PREX1: variants seen among roughly 807,000 people sequenced by gnomAD.
PREX1 encodes the protein phosphatidylinositol 3,4,5-trisphosphate-dependent Rac exchanger 1 protein.
Under a neutral mutation model 198.3 loss-of-function variants are expected in PREX1, and 41 were observed. The observed-to-expected ratio is 0.21, with a 90% CI of 0.16 to 0.27. The LOEUF (loss-of-function observed/expected upper bound fraction) is 0.27. PREX1 is among the 10% of genes least tolerant of loss of function. The probability of loss-of-function intolerance (pLI) is 1.00; values close to 1 mark genes in which losing one functional copy is unlikely to be tolerated. For synonymous variants in PREX1, 843 were observed against 887.2 expected (o/e 0.95, Z 0.89); for missense variants, 1,620 against 2,200.7 (o/e 0.74, Z 5.28).
rs373223442 is a variant in PREX1, at chr20:48,811,628, CCA to C, written c.219+16012_219+16013del. Among the ~76,000 whole-genome samples, 840 of 127,838 alleles carry C rather than the reference CCA, an allele frequency of 6.6e-3. 12 individuals are homozygous for C. Among genetic ancestry groups the C allele is most frequent in the African/African-American group, 0.024 (735 of 30,402 alleles). The allele number at this position is 127,838 out of a possible 152,430, so 83.9% of individuals were successfully genotyped here. On this transcript the variant is annotated intron_variant, in intron 1 of 39. Coordinates refer to ENST00000371941, the MANE Select transcript of PREX1 (RefSeq NM_020820.4). ...TGACAAGACCTGGATACACACCCCCCCACACACACACACACGTACGTGTGCAT... is the reference window on the plus strand; with the variant it reads ...TGACAAGACCTGGATACACACCCCCCCACACACACACACGTACGTGTGCAT...
At chr20:48,808,710 C>A (rs2090422515) in intron 1 of PREX1, among the ~76,000 whole-genome samples, 1 of 152,228 alleles carries the variant, frequency 6.6e-6, no homozygotes. Flanking sequence ...CCTGTGCAAT[C>A]TGCCCACCAG....
chr20:48,681,138 A>C, intron 11 of PREX1, 97 bp downstream of exon 11: 1 of 1,069,232 alleles, frequency 9.4e-7, no homozygotes, highest in Non-Finnish European at 1.4e-6. Context: ...CGGCTGCACG[A>C]AAGGATAGGA....
chr20:48,752,713 G>A (rs1474983156), intron 1 of PREX1, among the ~76,000 whole-genome samples: 2 of 152,094 alleles, frequency 1.3e-5, no homozygotes, highest in Non-Finnish European at 2.9e-5. Flanking sequence ...TCTCCTCCCT[G>A]CCTCACTCCC....
chr20:48,644,446 A>G lies in PREX1; in HGVS notation c.3564T>C (p.Ser1188=), dbSNP rs143151140. The change falls in exon 27 of 40, where the codon AGT becomes AGC. Residue 1188 remains serine, a synonymous_variant. Coordinates refer to ENST00000371941, the MANE Select transcript of PREX1 (RefSeq NM_020820.4). ...CGTCGCTGCCCAAGTAGGAGCTGTT[A>G]CTTCTCACGCTGGTGTAGGACAGGA... ...DSVLSYTSVR[S]NSSYLGSDEM... is the part of the protein sequence containing the mutation. The G allele has an allele frequency of 1.0e-4, 167 of 1,613,976 alleles. No homozygotes were observed. In the African/African-American group the frequency reaches 2.1e-3, roughly 20 times the overall value.
At chr20:48,644,533 T>C (rs377114137) in intron 26 of PREX1, 36 bp from the exon 27 acceptor site, 1 of 1,581,548 alleles carries the variant, frequency 6.3e-7, no homozygotes, top group Non-Finnish European at 8.7e-7. Flanking sequence ...TGAGTCACCC[T>C]GAGCTCAGGC....
Position 48,827,223 on chromosome 20 carries a change from C to A in PREX1, c.219+419G>T, listed in dbSNP as rs1339223061. 6.6e-6 allele frequency among the ~76,000 whole-genome samples: 1 copy of A among 152,230 alleles called. No individual in the cohort carries two copies. The highest frequency in any genetic ancestry group is 1.5e-5 in the Non-Finnish European group (1 of 68,040). ...CGCGCAGGGACGTTGGGCTCTGGGGCTCCTACGGTATGTCCTAGATGAGTG... is the reference window on the plus strand; with the variant it reads ...CGCGCAGGGACGTTGGGCTCTGGGGATCCTACGGTATGTCCTAGATGAGTG... On this transcript the variant is annotated intron_variant, in intron 1 of 39. Coordinates refer to ENST00000371941, the MANE Select transcript of PREX1 (RefSeq NM_020820.4). This position sits in a 1 kb window ranked among gnomAD's most constrained non-coding sequence, Gnocchi z 4.1.
chr20:48,885,497 T>C, the PREX1 span, among the ~76,000 whole-genome samples: 3 of 152,150 alleles, frequency 2.0e-5, no homozygotes, highest in Admixed American at 6.6e-5. Context: ...AGGTTGGCAG[T>C]TTCTTACAAA....
intron 1 of PREX1, among the ~76,000 whole-genome samples, chr20:48,758,553 G>C (rs976019557): frequency 1.3e-5 from 2 of 152,216 alleles, no homozygotes; most frequent in African/African-American, 2.4e-5. Flanking sequence ...ATACACACCA[G>C]GACGGCCTCG....
intron 35 of PREX1, among the ~76,000 whole-genome samples, chr20:48,631,611 G>A (rs915407562): frequency 5.9e-5 from 9 of 152,182 alleles, no homozygotes; most frequent in African/African-American, 2.2e-4. Context: ...TGCTTTCTCT[G>A]AGCAAACGAA....
upstream of PREX1, among the ~76,000 whole-genome samples, chr20:48,830,449 A>G (rs2090534785): frequency 6.6e-6 from 1 of 152,266 alleles, no homozygotes; most frequent in Non-Finnish European, 1.5e-5. Flanking sequence ...GATGTAAAGT[A>G]CCTGACACAC....
intron 6 of PREX1, among the ~76,000 whole-genome samples, chr20:48,702,888 G>A (rs1601086386): frequency 6.6e-6 from 1 of 152,226 alleles, no homozygotes; most frequent in Admixed American, 6.5e-5. Flanking sequence ...GGAATATTAT[G>A]CAAAAGCAGT....
intron 1 of PREX1, among the ~76,000 whole-genome samples, chr20:48,784,405 C>T (rs538742425): frequency 4.6e-5 from 7 of 152,258 alleles, no homozygotes; most frequent in East Asian, 1.9e-4. Context: ...CAGTTACTGA[C>T]GGGATAAAAT....
intron 1 of PREX1, among the ~76,000 whole-genome samples, chr20:48,771,741 T>C (rs2090236851): frequency 6.6e-6 from 1 of 152,338 alleles, no homozygotes; most frequent in South Asian, 2.1e-4. Context: ...TAAGAATTCC[T>C]TCATGCCGGA....
chr20:48,837,573 A>C, the PREX1 span, among the ~76,000 whole-genome samples: 1 of 152,260 alleles, frequency 6.6e-6, no homozygotes, highest in Non-Finnish European at 1.5e-5. Flanking sequence ...GCAGGAACAG[A>C]AAACCAAATA....
intron 1 of PREX1, among the ~76,000 whole-genome samples, chr20:48,762,677 C>T (rs2090187223): frequency 6.6e-6 from 1 of 151,092 alleles, no homozygotes; most frequent in Non-Finnish European, 1.5e-5. Context: ...AAAATGGTAC[C>T]TGACTGCTAA....
chr20:48,675,937 T>A (rs1003316089), intron 14 of PREX1, among the ~76,000 whole-genome samples: 1 of 151,452 alleles, frequency 6.6e-6, no homozygotes, highest in East Asian at 1.9e-4. Flanking sequence ...CTTGGGAGGC[T>A]GAGGCAGGAG....
chr20:48,719,355 A>C (rs548037835), intron 5 of PREX1, among the ~76,000 whole-genome samples: 2 of 152,240 alleles, frequency 1.3e-5, no homozygotes, highest in African/African-American at 4.8e-5. Flanking sequence ...TGCTCACCAC[A>C]CAGGAAAGAG....
intron 1 of PREX1, among the ~76,000 whole-genome samples, chr20:48,813,172 A>G (rs747261357): frequency 9.2e-5 from 14 of 152,178 alleles, no homozygotes; most frequent in Non-Finnish European, 1.5e-4. Context: ...TGCTTAACAC[A>G]ATGTGTTGGA....
chr20:48,634,926 A>G, intron 32 of PREX1, 151 bp from the exon 33 acceptor site: 1 of 650,326 alleles, frequency 1.5e-6, no homozygotes, highest in Non-Finnish European at 2.8e-6. Flanking sequence ...AGTGGATGTG[A>G]AATCATGGTG....
Sources: gnomAD v4.1 joint callset for allele counts (sites outside exome capture counted in the v4.1 genomes callset) on GRCh38, gnomAD v4.1.1 for gene constraint, Gnocchi (gnomAD v3.1) non-coding constraint, MANE v1.5 for transcripts, NCBI Gene and HGNC (gene_info 2026-07-23, HGNC 2026-07-21) for gene names.